The following KIF1A variants were observed in gnomAD, a reference collection of about 807,000 sequenced individuals.
KIF1A encodes the protein kinesin family member 1A, also known as kinesin-like protein KIF1A.
KIF1A carries 46 observed loss-of-function variants against 227.3 expected under a neutral mutation model. The observed-to-expected ratio is 0.20, with a 90% CI of 0.16 to 0.26. The LOEUF is 0.26. Ranked by LOEUF, KIF1A falls within the 10% of genes least tolerant of loss-of-function variation. KIF1A has a pLI of 1.00. For missense variants in KIF1A, 1,683 were observed against 2,485.9 expected (o/e 0.68, Z 6.87); for synonymous variants, 1,022 against 1,012.8 (o/e 1.01, Z -0.17).
In KIF1A at chr2:240,740,536, C is replaced by T. The variant is rs935743941; in HGVS notation, c.3750-172G>A. On this transcript the variant is annotated intron_variant, in intron 35 of 48. Transcript: ENST00000498729. The surrounding 1 kb of genome is among the most constrained non-coding windows in gnomAD (Gnocchi z 6.1). ...CGGTCAGCTGAGCACAGAAACCCAC[C>T]AGGCCTCCTTGGCTATCACCTCCCA... Among the ~76,000 whole-genome samples, 1 of 152,088 alleles carries T rather than the reference C, an allele frequency of 6.6e-6. No individual in the cohort carries two copies. Among genetic ancestry groups the T allele is most frequent in the Admixed American group, 6.5e-5 (1 of 15,280 alleles).
chr2:240,757,241 G>A lies in KIF1A; in HGVS notation c.2858+78C>T. 1 of 1,411,860 alleles carries A rather than the reference G, an allele frequency of 7.1e-7. No individual in the cohort carries two copies. The highest frequency in any genetic ancestry group is 9.7e-7 in the Non-Finnish European group (1 of 1,031,284). 87.5% of individuals were successfully genotyped at this position (1,411,860 alleles called of 1,614,324 possible). On this transcript the variant is annotated intron_variant, in intron 27 of 48. Transcript: ENST00000498729. The surrounding 1 kb of genome is among the most constrained non-coding windows in gnomAD (Gnocchi z 6.2). Reference sequence around the variant, plus strand: ...GGAGGGCCCGGGCCAGGCCCCAGCGGTTCCTCTGTGCCCGCAGCAGTGCTC... The same window carrying A: ...GGAGGGCCCGGGCCAGGCCCCAGCGATTCCTCTGTGCCCGCAGCAGTGCTC...
intron 1 of KIF1A, among the ~76,000 whole-genome samples, chr2:240,805,553 G>C (rs2057344751): frequency 6.6e-6 from 1 of 152,190 alleles, no homozygotes; most frequent in Admixed American, 6.5e-5. Flanking sequence ...TCATGACAGG[G>C]ATTTTAACAC....
chr2:240,740,196 G>A lies in KIF1A; in HGVS notation c.3817-54C>T. 1 of 1,575,002 alleles carries A rather than the reference G, an allele frequency of 6.3e-7. No individual in the cohort carries two copies. Among genetic ancestry groups the A allele is most frequent in the South Asian group, 1.1e-5 (1 of 88,274 alleles). On this transcript the variant is annotated intron_variant, in intron 36 of 48. Coordinates refer to ENST00000498729, the MANE Select transcript of KIF1A (RefSeq NM_001244008.2). The surrounding 1 kb of genome is among the most constrained non-coding windows in gnomAD (Gnocchi z 6.1). ...CAGACGGCTCAGGGGGCTACGTAGGGTGAGGGAGGGGGACACAGGCAGGGT... is the reference window on the plus strand; with the variant it reads ...CAGACGGCTCAGGGGGCTACGTAGGATGAGGGAGGGGGACACAGGCAGGGT...
intron 43 of KIF1A, among the ~76,000 whole-genome samples, 168 bp downstream of exon 43, chr2:240,722,288 G>A (rs528923006): frequency 5.9e-5 from 9 of 152,322 alleles, no homozygotes; most frequent in Admixed American, 1.3e-4. Flanking sequence ...TGCAGGTGGG[G>A]TGCAGTCAGT....
chr2:240,738,288 G>A (rs1157237148), intron 37 of KIF1A, among the ~76,000 whole-genome samples: 4 of 152,176 alleles, frequency 2.6e-5, no homozygotes, highest in Non-Finnish European at 5.9e-5. Context: ...TTGGGCTGGG[G>A]TCCTGACCCT....
At chr2:240,812,776 G>A (rs1293367222) in intron 1 of KIF1A, among the ~76,000 whole-genome samples, 10 of 136,624 alleles carry the variant, frequency 7.3e-5, no homozygotes. Context: ...CTTGGGATCT[G>A]CCTTCACCTC....
chr2:240,797,812 C>A lies in KIF1A; in HGVS notation c.-60G>T. 9.4e-7 allele frequency: 1 copy of A among 1,059,136 alleles called. No homozygotes were observed. The highest frequency in any genetic ancestry group is 1.4e-6 in the Non-Finnish European group (1 of 715,548). The allele number at this position is 1,059,136 out of a possible 1,614,324, so 65.6% of individuals were successfully genotyped here. ...TGGGAGCCCCAGTGTGGGGGGAACA[C>A]CTTGGAAAAAAGGGAAACATGAATT... On this transcript the variant is annotated splice_region_variant and 5_prime_UTR_variant, in exon 2 of 49. Coordinates refer to ENST00000498729, the MANE Select transcript of KIF1A (RefSeq NM_001244008.2).
chr2:240,742,968 G>T lies in KIF1A; in HGVS notation c.3601C>A (p.Arg1201Ser). The change falls in exon 34 of 49, where the codon CGC (arginine) becomes AGC (serine). Residue 1201 changes from arginine (R) to serine (S), a missense_variant. By Grantham distance (110) the Arg-to-Ser change is moderately radical (BLOSUM62 -1). Transcript: ENST00000498729. ...GGCATGACCCGAGGGAAGTGGCGGCGCGAGGGCCTCAGGGGGCTGTGGAGA... is the reference window on the plus strand; with the variant it reads ...GGCATGACCCGAGGGAAGTGGCGGCTCGAGGGCCTCAGGGGGCTGTGGAGA... ...KDVLSPLRPS[R>S]RHFPRVMPLS... is the part of the protein sequence containing the mutation. 1.2e-6 allele frequency: 2 copies of T among 1,611,082 alleles called. No homozygotes were observed. Among genetic ancestry groups the T allele is most frequent in the Non-Finnish European group, 1.7e-6 (2 of 1,178,524 alleles).
intron 1 of KIF1A, among the ~76,000 whole-genome samples, chr2:240,802,793 G>A (rs1486454615): frequency 1.3e-5 from 2 of 152,044 alleles, no homozygotes; most frequent in Non-Finnish European, 2.9e-5. Context: ...CACCATACCT[G>A]GCTAAATTTT....
Position 240,725,439 on chromosome 2 carries a change from A to T in KIF1A, c.4123-35T>A. ...GCGGGAGCAGGACTCAGGCACAAGGACACCCCGAGTGCCCAGGTGCCCTTC... is the reference window on the plus strand; with the variant it reads ...GCGGGAGCAGGACTCAGGCACAAGGTCACCCCGAGTGCCCAGGTGCCCTTC... On this transcript the variant is annotated intron_variant, in intron 39 of 48. Coordinates refer to ENST00000498729, the MANE Select transcript of KIF1A (RefSeq NM_001244008.2). This position sits in a 1 kb window ranked among gnomAD's most constrained non-coding sequence, Gnocchi z 5.8. The T allele has an allele frequency of 6.2e-7, 1 of 1,606,056 alleles. No homozygotes were observed. Among genetic ancestry groups the T allele is most frequent in the South Asian group, 1.1e-5 (1 of 90,494 alleles).
At chr2:240,760,909 G>T in intron 24 of KIF1A, 66 bp from the exon 25 acceptor site, 4 of 1,451,238 alleles carry the variant, frequency 2.8e-6, no homozygotes, top group Non-Finnish European at 3.7e-6. Context: ...CCCCAAAAAG[G>T]CTTCCTTCCC....
In KIF1A at chr2:240,763,297, G is replaced by T. The variant is rs757613674; in HGVS notation, c.1818C>A (p.Pro606=). The T allele has an allele frequency of 7.5e-6, 12 of 1,602,612 alleles. No individual in the cohort carries two copies. Among genetic ancestry groups the T allele is most frequent in the Admixed American group, 1.7e-5 (1 of 58,428 alleles). The part of the protein sequence containing the change: ...GKSHVFRFNH[P]EQARQERERT... Reference sequence around the variant, plus strand: ...GCTCACGCTCCTGCCGGGCCTGCTCGGGGTGGTTGAACCGGAACACATGGC... The same window carrying T: ...GCTCACGCTCCTGCCGGGCCTGCTCTGGGTGGTTGAACCGGAACACATGGC... Residue 606 remains proline (P), a synonymous_variant, in exon 21 of 49, where the codon CCC becomes CCA. Coordinates refer to ENST00000498729, the MANE Select transcript of KIF1A (RefSeq NM_001244008.2).
At chr2:240,784,056 G>A (rs982521158) in intron 7 of KIF1A, among the ~76,000 whole-genome samples, 12 of 152,304 alleles carry the variant, frequency 7.9e-5, no homozygotes, top group African/African-American at 2.2e-4. Context: ...AGGGGAGCAC[G>A]GGCGCTGCCA....
At position 240,785,054 on chromosome 2, in the gene KIF1A, C is replaced by T; in HGVS notation, c.655G>A (p.Ala219Thr). 1 of 1,613,484 alleles carries T rather than the reference C, an allele frequency of 6.2e-7. No individual in the cohort carries two copies. Among genetic ancestry groups the T allele is most frequent in the Non-Finnish European group, 8.5e-7 (1 of 1,179,792 alleles). ...TGGGTGAAGATGATGTTGAAGACGG[C>T]GTGGGAGCGACTGCTGGTCTCATTC... Reference protein sequence around the residue: ...NMNETSSRSHAVFNIIFTQKR... With the variant: ...NMNETSSRSHTVFNIIFTQKR... Residue 219 changes from alanine to threonine, a missense_variant, in exon 7 of 49, where the codon GCC becomes ACC. Ala to Thr is a moderately conservative substitution (Grantham distance 58). Around this residue, in one of 12 missense-constraint regions of KIF1A, gnomAD observed 21 missense variants for 35.2 expected, o/e 0.60. Transcript: ENST00000498729.
At chr2:240,786,292 C>T (rs746079013) in intron 6 of KIF1A, 43 bp downstream of exon 6, 5 of 1,584,098 alleles carry the variant, frequency 3.2e-6, no homozygotes, top group South Asian at 2.2e-5. Flanking sequence ...GGAGAGGCGG[C>T]AGGACAGGAG....
chr2:240,741,947 C>T (rs1463741593), intron 34 of KIF1A, among the ~76,000 whole-genome samples: 1 of 152,220 alleles, frequency 6.6e-6, no homozygotes, highest in East Asian at 1.9e-4. Context: ...TCTCTGAGAC[C>T]CATCACACAG....
At chr2:240,727,397 C>T (rs1410126498) in intron 38 of KIF1A, among the ~76,000 whole-genome samples, 1 of 152,142 alleles carries the variant, frequency 6.6e-6, no homozygotes, top group Non-Finnish European at 1.5e-5. Flanking sequence ...AGAGCCTGCG[C>T]GGGCCCACCC....
intron 10 of KIF1A, 121 bp from the exon 11 acceptor site, chr2:240,776,047 C>T: frequency 1.4e-6 from 1 of 729,372 alleles, no homozygotes; most frequent in Non-Finnish European, 2.5e-6. Context: ...AGGGGCGGGG[C>T]CCGCTCTGCT....
At chr2:240,719,998 C>G (rs1478127866) in intron 45 of KIF1A, 72 bp from the exon 46 acceptor site, 1 of 1,488,740 alleles carries the variant, frequency 6.7e-7, no homozygotes, top group Non-Finnish European at 9.0e-7. Flanking sequence ...CCAGGCTTCA[C>G]CCTCCTCAGA....
Sources: gnomAD v4.1 joint callset for allele counts (sites outside exome capture counted in the v4.1 genomes callset) on GRCh38, gnomAD v4.1.1 for gene constraint, gnomAD v4.1.1 regional missense constraint, Gnocchi (gnomAD v3.1) non-coding constraint, MANE v1.5 for transcripts, NCBI Gene and HGNC (gene_info 2026-07-23, HGNC 2026-07-21) for gene names.